LOC400499: variants seen among roughly 807,000 people sequenced by gnomAD.
At chr16:11,492,634 A>T in the LOC400499 span, among the ~76,000 whole-genome samples, 1 of 151,996 alleles carries the variant, frequency 6.6e-6, no homozygotes, top group Non-Finnish European at 1.5e-5. Context: ...ATTACAAAAA[A>T]ATTAGCCGGG....
At chr16:11,521,776 CA>C in the LOC400499 span, among the ~76,000 whole-genome samples, 2 of 152,152 alleles carry the variant, frequency 1.3e-5, no homozygotes, top group Non-Finnish European at 2.9e-5. Context: ...CTCTTACAAT[CA>C]AAATTGCACC....
the LOC400499 span, among the ~76,000 whole-genome samples, chr16:11,458,882 A>G: frequency 6.6e-6 from 1 of 151,582 alleles, no homozygotes; most frequent in East Asian, 2.0e-4. Flanking sequence ...TAAAAATACA[A>G]AAAAATTAGC....
the LOC400499 span, among the ~76,000 whole-genome samples, chr16:11,495,997 G>C: frequency 6.6e-6 from 1 of 151,978 alleles, no homozygotes. Context: ...CTCTGTGCTA[G>C]ACCCACGTCA....
the LOC400499 span, among the ~76,000 whole-genome samples, chr16:11,488,548 G>C: frequency 6.6e-6 from 1 of 152,072 alleles, no homozygotes; most frequent in Non-Finnish European, 1.5e-5. Flanking sequence ...GCCTCCCAAA[G>C]TGCTGGGATT....
the LOC400499 span, chr16:11,392,469 A>G: frequency 3.7e-3 from 1,462 of 398,968 alleles, 7 homozygotes; most frequent in Non-Finnish European, 5.3e-3. Flanking sequence ...CCATGGGCAC[A>G]TGCCCGCAGC....
chr16:11,514,815 G>A, the LOC400499 span, among the ~76,000 whole-genome samples: 1 of 152,328 alleles, frequency 6.6e-6, no homozygotes, highest in East Asian at 1.9e-4. Context: ...TGACCCCCCA[G>A]GAGAGGAATG....
At chr16:11,480,230 G>C in the LOC400499 span, among the ~76,000 whole-genome samples, 3 of 152,336 alleles carry the variant, frequency 2.0e-5, no homozygotes, top group South Asian at 6.2e-4. Flanking sequence ...GGAAAAGTGA[G>C]AAAATAACAG....
chr16:11,407,316 C>T, the LOC400499 span: 1 of 398,372 alleles, frequency 2.5e-6, no homozygotes, highest in South Asian at 1.3e-4. Context: ...ATGCTCTGAA[C>T]CTCACCCTTG....
At chr16:11,388,743 T>A in the LOC400499 span, among the ~76,000 whole-genome samples, 9 of 152,166 alleles carry the variant, frequency 5.9e-5, no homozygotes, top group Non-Finnish European at 8.8e-5. Context: ...TCTTAGGAAC[T>A]CCCAGTCACA....
At chr16:11,463,903 C>T in the LOC400499 span, among the ~76,000 whole-genome samples, 1 of 151,838 alleles carries the variant, frequency 6.6e-6, no homozygotes, top group Admixed American at 6.6e-5. Flanking sequence ...ACAGATATGT[C>T]CACATGTGGA....
the LOC400499 span, among the ~76,000 whole-genome samples, chr16:11,504,647 G>C: frequency 6.6e-6 from 1 of 152,224 alleles, no homozygotes; most frequent in Non-Finnish European, 1.5e-5. Context: ...ATAAGGCTGG[G>C]TGCAGTGGCT....
chr16:11,450,669 A>C, the LOC400499 span: 1 of 1,535,358 alleles, frequency 6.5e-7, no homozygotes, highest in Non-Finnish European at 8.7e-7. Context: ...TGGGGCCCTG[A>C]CTCCTGCAGC....
At chr16:11,489,239 A>C in the LOC400499 span, among the ~76,000 whole-genome samples, 10,200 of 152,282 alleles carry the variant, frequency 0.067, 617 homozygotes, top group East Asian at 0.3. Context: ...GAAAATGAGA[A>C]GTCAGACCTG....
At chr16:11,492,786 A>AG in the LOC400499 span, among the ~76,000 whole-genome samples, 1 of 54,912 alleles carries the variant, frequency 1.8e-5, no homozygotes, top group Non-Finnish European at 3.0e-5. Context: ...CTCCGTCTCA[A>AG]AAAAAAAAAA....
chr16:11,391,594 G>A, the LOC400499 span: 4 of 1,187,890 alleles, frequency 3.4e-6, no homozygotes, highest in African/African-American at 4.7e-5. Context: ...CAATGTGAGC[G>A]CTTAGGGCCC....
the LOC400499 span, among the ~76,000 whole-genome samples, chr16:11,442,990 G>T: frequency 6.6e-6 from 1 of 152,286 alleles, no homozygotes; most frequent in South Asian, 2.1e-4. Context: ...CTCAACAGCT[G>T]CCTGGTTCAC....
chr16:11,461,867 C>T, the LOC400499 span, among the ~76,000 whole-genome samples: 2 of 152,170 alleles, frequency 1.3e-5, no homozygotes, highest in Non-Finnish European at 2.9e-5. Context: ...TATTTTAGGT[C>T]AAAATGTTAC....
the LOC400499 span, chr16:11,515,994 G>A: frequency 5.0e-6 from 2 of 399,770 alleles, no homozygotes; most frequent in Non-Finnish European, 8.8e-6. Flanking sequence ...CACCGTGCCA[G>A]GTCCTTTGTC....
chr16:11,468,320 C>G, the LOC400499 span, among the ~76,000 whole-genome samples: 2 of 152,132 alleles, frequency 1.3e-5, no homozygotes, highest in African/African-American at 4.8e-5. Flanking sequence ...ATACCTTTCT[C>G]TATTCTGAAT....
Sources: gnomAD v4.1 joint callset for allele counts (sites outside exome capture counted in the v4.1 genomes callset) on GRCh38, gnomAD v4.1.1 for gene constraint, MANE v1.5 for transcripts.